SPATA1: variants seen among roughly 807,000 people sequenced by gnomAD.
SPATA1 encodes the protein spermatogenesis-associated protein 1.
Under a neutral mutation model 59.6 loss-of-function variants are expected in SPATA1, and 57 were observed. The observed-to-expected ratio is 0.96, with a 90% CI of 0.77 to 1.19. The LOEUF (loss-of-function observed/expected upper bound fraction) is 1.19. SPATA1 is among the 50% of genes most tolerant of loss of function. SPATA1 has a pLI of 0.00. For missense variants in SPATA1, 448 were observed against 480.7 expected, an observed-to-expected ratio of 0.93 and a Z score of 0.64; for synonymous variants, 147 against 163.9, an observed-to-expected ratio of 0.90 and a Z score of 0.79.
chr1:84,524,698 T>G (rs1683150223), intron 4 of SPATA1, among the ~76,000 whole-genome samples: 1 of 152,228 alleles, frequency 6.6e-6, no homozygotes, highest in Admixed American at 6.5e-5. Flanking sequence ...CATAGCTGGC[T>G]GTTTCTTTTC....
intron 1 of SPATA1, among the ~76,000 whole-genome samples, chr1:84,511,687 T>TTTTTTTTTTTTTC (rs1682565576): frequency 7.0e-6 from 1 of 142,150 alleles, no homozygotes; most frequent in African/African-American, 2.6e-5. Context: ...TTCTTTTTTT[T>TTTTTTTTTTTTTC]TTTTTTTTTT....
chr1:84,551,741 T>C (rs1684279340), intron 12 of SPATA1: 1 of 152,092 alleles, frequency 6.6e-6, no homozygotes. Context: ...ATCAGTTAAA[T>C]ATGCACTCAA....
At chr1:84,526,427 G>A (rs186360) in intron 6 of SPATA1, among the ~76,000 whole-genome samples, 80,941 of 151,896 alleles carry the variant, frequency 0.53, 22,028 homozygotes, top group East Asian at 0.76. Context: ...AGAGACCAGA[G>A]GGATCAGGAA....
chr1:84,516,680 A>G (rs1323483505), intron 2 of SPATA1, among the ~76,000 whole-genome samples: 2 of 152,140 alleles, frequency 1.3e-5, no homozygotes, highest in Admixed American at 1.3e-4. Flanking sequence ...CTTAAGTTCC[A>G]TAGAGCAGTC....
At chr1:84,561,859 C>T (rs1011023394) in intron 4 of SPATA1, among the ~76,000 whole-genome samples, 1 of 152,170 alleles carries the variant, frequency 6.6e-6, no homozygotes, top group Non-Finnish European at 1.5e-5. Flanking sequence ...AATGCTATTA[C>T]ACACTTAACA....
At chr1:84,539,508 C>T (rs575170631) in intron 8 of SPATA1, among the ~76,000 whole-genome samples, 1 of 152,284 alleles carries the variant, frequency 6.6e-6, no homozygotes, top group East Asian at 1.9e-4. Context: ...ATGTTTTCCA[C>T]TCTGGTGGAT....
chr1:84,513,840 C>CTCTTTT (rs1300819142), intron 1 of SPATA1, among the ~76,000 whole-genome samples: 1 of 119,534 alleles, frequency 8.4e-6, no homozygotes, highest in Admixed American at 8.0e-5. Flanking sequence ...TTTCTATATT[C>CTCTTTT]TATTTTTTTT....
At chr1:84,545,804 G>C in intron 10 of SPATA1, 45 bp downstream of exon 10, 1 of 1,315,894 alleles carries the variant, frequency 7.6e-7, no homozygotes, top group Non-Finnish European at 9.9e-7. Context: ...GAAAACTTAA[G>C]TTTTACAGAA....
At chr1:84,542,880 G>A (rs983627027) in intron 8 of SPATA1, among the ~76,000 whole-genome samples, 13 of 151,990 alleles carry the variant, frequency 8.6e-5, no homozygotes, top group Admixed American at 4.6e-4. Context: ...TTTATCTGTC[G>A]TTCCAAGACC....
intron 6 of SPATA1, among the ~76,000 whole-genome samples, chr1:84,530,084 C>T (rs1683409073): frequency 6.6e-6 from 1 of 151,698 alleles, no homozygotes; most frequent in African/African-American, 2.4e-5. Context: ...TCTCAAACTC[C>T]TGAGCTCAGG....
chr1:84,541,341 C>T (rs1683893029), intron 8 of SPATA1, among the ~76,000 whole-genome samples: 1 of 152,042 alleles, frequency 6.6e-6, no homozygotes, highest in Admixed American at 6.6e-5. Flanking sequence ...TCAGGGGCAA[C>T]AATTAGTCTT....
chr1:84,563,193 C>T, intron 4 of SPATA1: 1 of 1,107,724 alleles, frequency 9.0e-7, no homozygotes, highest in Non-Finnish European at 1.2e-6. Context: ...TATCAAACAT[C>T]TAATTATGAA....
intron 1 of SPATA1, among the ~76,000 whole-genome samples, chr1:84,514,913 G>A (rs1363546976): frequency 2.0e-5 from 3 of 152,124 alleles, no homozygotes; most frequent in African/African-American, 7.2e-5. Context: ...AGAGGCTGCA[G>A]TGAGCCAAGA....
intron 1 of SPATA1, among the ~76,000 whole-genome samples, chr1:84,508,382 C>T (rs1682376652): frequency 6.6e-6 from 1 of 152,090 alleles, no homozygotes; most frequent in South Asian, 2.1e-4. Flanking sequence ...ATCTCTTAAA[C>T]TTTTGTTTAG....
At chr1:84,533,049 G>A in intron 7 of SPATA1, 75 bp downstream of exon 7, 1 of 987,580 alleles carries the variant, frequency 1.0e-6, no homozygotes, top group Non-Finnish European at 1.5e-6. Context: ...TCAGAGTATT[G>A]TTATAAAGAC....
At chr1:84,527,598 C>A (rs527866286) in intron 6 of SPATA1, 98 of 151,948 alleles carry the variant, frequency 6.4e-4, no homozygotes, top group African/African-American at 2.3e-3. Context: ...ACTCTTAAAG[C>A]CTCTTATATT....
At chr1:84,554,907 C>A, downstream of SPATA1, 2 of 989,954 alleles carry the variant, frequency 2.0e-6, no homozygotes, top group South Asian at 1.6e-5. Context: ...ATACGGATAA[C>A]AAAAGTATAT....
rs1322104238 is a variant in SPATA1, at chr1:84,532,853, A to G, written c.545-7A>G. On this transcript the variant is annotated splice_region_variant and splice_polypyrimidine_tract_variant and intron_variant, in intron 6 of 12. Coordinates refer to ENST00000490879, the Ensembl canonical transcript of SPATA1. ...CTTTATTTGCTGTGGATGACCATCA[A>G]CATCAGCTGGGGGAAAAGCCACTGC... 14 of 1,542,694 alleles carry G rather than the reference A, an allele frequency of 9.1e-6. 1 individual carries two copies. The East Asian group carries it at 1.7e-4, about 19-fold the overall frequency.
chr1:84,546,478 A>C (rs897673657), intron 10 of SPATA1, among the ~76,000 whole-genome samples: 3 of 151,176 alleles, frequency 2.0e-5, no homozygotes, highest in African/African-American at 7.4e-5. Flanking sequence ...AAAAAAAAAA[A>C]AACTTGATGA....
Sources: allele counts gnomAD v4.1 joint callset (sites outside exome capture counted in the v4.1 genomes callset), GRCh38; gene constraint gnomAD v4.1.1; transcripts MANE v1.5; gene names NCBI Gene and HGNC (gene_info 2026-07-23, HGNC 2026-07-21).